Variants in LCOR observed in about 807,000 individuals in gnomAD.
LCOR encodes ligand dependent nuclear receptor corepressor.
A neutral mutation model predicts 64.4 loss-of-function variants in LCOR; 14 were observed. The ratio of observed to expected loss-of-function variants is 0.22; its 90% CI spans 0.14 to 0.34. The LOEUF is 0.34. LCOR is among the 10% of genes least tolerant of loss of function. The pLI, the probability that LCOR is intolerant of heterozygous loss-of-function variation, is 1.00. For synonymous variants in LCOR, 643 were observed against 642.5 expected (o/e 1.00, Z -0.01); for missense variants, 1,686 against 1,765.3 (o/e 0.96, Z 0.80).
At chr10:96,845,466 TTTTTTTTTTTTTTTTTTTTTG>T in intron 2 of LCOR, among the ~76,000 whole-genome samples, 2 of 104,544 alleles carry the variant, frequency 1.9e-5, no homozygotes, top group Admixed American at 9.5e-5. Context: ...TTTTTTTTTT[TTTTTTTTTTTTTTTTTTTTTG>T]AGACGGAGTC....
At chr10:96,908,463 T>A (rs1384455123) in intron 4 of LCOR, among the ~76,000 whole-genome samples, 1 of 152,244 alleles carries the variant, frequency 6.6e-6, no homozygotes, top group Non-Finnish European at 1.5e-5. Context: ...ATGTAGATGA[T>A]GATATACTAT....
Position 96,875,472 on chromosome 10 carries a change from A to G in LCOR, c.-329-31793A>G, listed in dbSNP as rs1399890990. Among the ~76,000 whole-genome samples, 3 of 152,104 alleles carry G rather than the reference A, an allele frequency of 2.0e-5. No individual in the cohort carries two copies. In the East Asian group the frequency reaches 5.8e-4, roughly 29 times the overall value. ...TGTTGCCCCTTTTTCTGCAGTGGTTAAAGTTCAGTGGGATTCAGCTGCCCT... is the reference window on the plus strand; with the variant it reads ...TGTTGCCCCTTTTTCTGCAGTGGTTGAAGTTCAGTGGGATTCAGCTGCCCT... On this transcript the variant is annotated intron_variant, in intron 2 of 7. Transcript: ENST00000421806.
chr10:96,956,031 T>G, intron 7 of LCOR: 1 of 1,483,810 alleles, frequency 6.7e-7, no homozygotes, highest in Non-Finnish European at 8.9e-7. Flanking sequence ...CTTGCTTCTT[T>G]GCAGATTTTG....
intron 2 of LCOR, among the ~76,000 whole-genome samples, chr10:96,888,777 A>G (rs1846389733): frequency 6.6e-6 from 1 of 152,208 alleles, no homozygotes. Flanking sequence ...AAGAAACAGA[A>G]TAGTTTCATG....
intron 7 of LCOR, 130 bp downstream of exon 7, chr10:96,952,326 T>G (rs1847695761): frequency 3.3e-6 from 2 of 614,200 alleles, no homozygotes; most frequent in South Asian, 2.2e-5. Flanking sequence ...GGACCATAGA[T>G]CAAATAAAAA....
chr10:96,889,602 G>C (rs563638066), intron 2 of LCOR, among the ~76,000 whole-genome samples: 1 of 152,278 alleles, frequency 6.6e-6, no homozygotes, highest in Non-Finnish European at 1.5e-5. Context: ...TCAGATCAGG[G>C]ACCCACCCTT....
intron 2 of LCOR, among the ~76,000 whole-genome samples, chr10:96,891,482 CT>C (rs745839487): frequency 0.035 from 991 of 28,486 alleles, 13 homozygotes; most frequent in African/African-American, 0.081. Context: ...TTTTCTGACT[CT>C]TTTTTTTTTT....
intron 2 of LCOR, among the ~76,000 whole-genome samples, chr10:96,876,752 C>T (rs1264617172): frequency 6.6e-6 from 1 of 152,018 alleles, no homozygotes. Context: ...TGCAGTGGTG[C>T]GATCTCAGTT....
At chr10:96,855,318 T>TA (rs1436454337) in intron 2 of LCOR, among the ~76,000 whole-genome samples, 23 of 151,810 alleles carry the variant, frequency 1.5e-4, no homozygotes, top group Admixed American at 1.1e-3. Flanking sequence ...GTGCATGCTC[T>TA]AAAAAAACTT....
chr10:96,951,009 ACT>A (rs1460958073), intron 6 of LCOR, among the ~76,000 whole-genome samples: 1 of 152,058 alleles, frequency 6.6e-6, no homozygotes, highest in Middle Eastern at 3.2e-3. Context: ...TTATTTACAA[ACT>A]CTGTTGCCTG....
At chr10:96,893,278 T>TTAAGTCATA (rs1250556489) in intron 2 of LCOR, among the ~76,000 whole-genome samples, 2 of 152,212 alleles carry the variant, frequency 1.3e-5, no homozygotes, top group Admixed American at 1.3e-4. Context: ...ATGTAGTCTT[T>TTAAGTCATA]TAAGTCATAT....
chr10:96,848,526 C>T (rs543213094), intron 2 of LCOR, among the ~76,000 whole-genome samples: 25 of 152,164 alleles, frequency 1.6e-4, no homozygotes, highest in African/African-American at 6.0e-4. Flanking sequence ...GTTGTGGTGG[C>T]GGGCATCTGT....
intron 4 of LCOR, among the ~76,000 whole-genome samples, chr10:96,935,338 G>A (rs1589666523): frequency 6.6e-6 from 1 of 151,824 alleles, no homozygotes; most frequent in East Asian, 1.9e-4. Flanking sequence ...TAGCGGAGAT[G>A]GGGTTTCACC....
At chr10:96,956,071 T>C (rs1370862555) in intron 7 of LCOR, 4 of 1,442,538 alleles carry the variant, frequency 2.8e-6, no homozygotes, top group Non-Finnish European at 3.6e-6. Context: ...AGATGAAATG[T>C]GCATTCTGAA....
chr10:96,957,107 T>C, intron 7 of LCOR: 3 of 985,152 alleles, frequency 3.0e-6, no homozygotes, highest in Non-Finnish European at 3.6e-6. Flanking sequence ...GTCAAGCTCA[T>C]TGGAATTCCT....
intron 2 of LCOR, among the ~76,000 whole-genome samples, chr10:96,853,263 C>T (rs998560970): frequency 6.6e-6 from 1 of 152,090 alleles, no homozygotes; most frequent in African/African-American, 2.4e-5. Context: ...GTTGGCCAGG[C>T]TCTTGAACTC....
rs1252833420 is a variant in LCOR at position 96,993,764 on chromosome 10, A to G, written c.*8630A>G. 6.7e-6 allele frequency: 1 copy of G among 148,340 alleles called. No homozygotes were observed. The highest frequency in any genetic ancestry group is 1.9e-4 in the East Asian group (1 of 5,156). The allele number at this position is 148,340 out of a possible 1,614,324, so 9.2% of individuals were successfully genotyped here. On this transcript the variant is annotated 3_prime_UTR_variant, in exon 8 of 8. Coordinates refer to ENST00000421806, the MANE Select transcript of LCOR (RefSeq NM_001346516.2). ...ATGTTATATTATATATATATATTAT[A>G]TATATATATATACAGGTGTATGATA...
At chr10:96,837,597 C>T (rs944246957) in intron 2 of LCOR, among the ~76,000 whole-genome samples, 1 of 152,176 alleles carries the variant, frequency 6.6e-6, no homozygotes, top group Non-Finnish European at 1.5e-5. Flanking sequence ...ACAATATTAT[C>T]ATCCACAAGA....
chr10:96,891,449 A>G (rs1176124579), intron 2 of LCOR, among the ~76,000 whole-genome samples: 2 of 94,396 alleles, frequency 2.1e-5, no homozygotes, highest in Non-Finnish European at 4.7e-5. Flanking sequence ...TTTCCGAGAA[A>G]TTTTGGGTTC....
Sources: gnomAD v4.1 joint callset for allele counts (sites outside exome capture counted in the v4.1 genomes callset) on GRCh38, gnomAD v4.1.1 for gene constraint, MANE v1.5 for transcripts, NCBI Gene and HGNC (gene_info 2026-07-23, HGNC 2026-07-21) for gene names.